The following MYO3A variants were observed in gnomAD, a reference collection of about 807,000 sequenced individuals.
The protein encoded by MYO3A is myosin IIIA.
A neutral mutation model predicts 192.7 loss-of-function variants in MYO3A; 180 were observed. The ratio of observed to expected loss-of-function variants is 0.93; its 90% confidence interval spans 0.83 to 1.06. The LOEUF is 1.06. Among genes scored for constraint, MYO3A ranks in the 50% least tolerant of loss-of-function variants. The pLI is 0.00. For synonymous variants in MYO3A, 628 were observed against 645.3 expected (o/e 0.97, Z 0.41); for missense variants, 1,896 against 1,905.0 (o/e 1.00, Z 0.09).
chr10:25,994,237 T>A (rs1268558798), intron 4 of MYO3A, among the ~76,000 whole-genome samples: 1 of 149,576 alleles, frequency 6.7e-6, no homozygotes, highest in Non-Finnish European at 1.5e-5. Flanking sequence ...TTAGCTCTTC[T>A]TGTTGAATTG....
chr10:26,138,734 T>G (rs543848448), intron 20 of MYO3A, among the ~76,000 whole-genome samples: 2 of 152,274 alleles, frequency 1.3e-5, no homozygotes, highest in African/African-American at 4.8e-5. Context: ...ACAGAAACCA[T>G]AGCTGATGTT....
chr10:26,019,941 C>T (rs79678963), intron 7 of MYO3A, among the ~76,000 whole-genome samples: 10,059 of 152,298 alleles, frequency 0.066, 412 homozygotes, highest in Non-Finnish European at 0.094. Flanking sequence ...CAGCAGTTCA[C>T]TCTCATGTGA....
intron 31 of MYO3A, among the ~76,000 whole-genome samples, chr10:26,185,132 A>G (rs991793337): frequency 1.3e-5 from 2 of 152,060 alleles, no homozygotes; most frequent in African/African-American, 4.8e-5. Flanking sequence ...TAAGTGAGAC[A>G]CCCCTTAAGA....
chr10:26,067,576 C>T (rs1387937076), intron 11 of MYO3A, among the ~76,000 whole-genome samples: 7 of 152,168 alleles, frequency 4.6e-5, no homozygotes, highest in Non-Finnish European at 1.0e-4. Context: ...GGTCAGTGTT[C>T]TTCCTCATGG....
intron 14 of MYO3A, among the ~76,000 whole-genome samples, chr10:26,085,606 T>C (rs1047594349): frequency 6.6e-6 from 1 of 152,168 alleles, no homozygotes; most frequent in South Asian, 2.1e-4. Flanking sequence ...AGGCTCAGGG[T>C]GCAAGGTGCC....
intron 2 of MYO3A, among the ~76,000 whole-genome samples, chr10:25,937,473 A>G (rs890654062): frequency 6.6e-6 from 1 of 152,238 alleles, no homozygotes; most frequent in Admixed American, 6.5e-5. Context: ...ACAGTTCCTC[A>G]TAAAACTCAG....
chr10:26,012,808 A>G (rs576107491), intron 6 of MYO3A, among the ~76,000 whole-genome samples: 1 of 152,072 alleles, frequency 6.6e-6, no homozygotes, highest in African/African-American at 2.4e-5. Flanking sequence ...AAAACAAAAC[A>G]ATACAAAAAA....
At chr10:25,987,369 ATT>A (rs1839717088) in intron 4 of MYO3A, among the ~76,000 whole-genome samples, 2 of 152,246 alleles carry the variant, frequency 1.3e-5, no homozygotes. Context: ...ATGGAACTTA[ATT>A]AAACTAAAAA....
chr10:26,010,457 T>G (rs1042649287), intron 6 of MYO3A, among the ~76,000 whole-genome samples: 107 of 131,812 alleles, frequency 8.1e-4, no homozygotes, highest in Non-Finnish European at 1.3e-3. Context: ...GTTGTTTTTT[T>G]TTTTTTTTTT....
chr10:26,088,594 G>A (rs1836489182), intron 15 of MYO3A, among the ~76,000 whole-genome samples, 189 bp downstream of exon 15: 1 of 152,102 alleles, frequency 6.6e-6, no homozygotes, highest in Admixed American at 6.6e-5. Flanking sequence ...TCCAATAGAG[G>A]AATTAATGTA....
chr10:26,045,067 G>A (rs145133641), intron 10 of MYO3A, among the ~76,000 whole-genome samples: 247 of 152,248 alleles, frequency 1.6e-3, no homozygotes, highest in African/African-American at 5.8e-3. Context: ...GCAATGCTGA[G>A]CCTGGCCAGC....
chr10:26,060,056 C>G (rs1011371432), intron 10 of MYO3A, among the ~76,000 whole-genome samples: 2 of 152,090 alleles, frequency 1.3e-5, no homozygotes, highest in Non-Finnish European at 1.5e-5. Flanking sequence ...TCAGGAGTTC[C>G]AGACCAACCT....
intron 4 of MYO3A, among the ~76,000 whole-genome samples, chr10:25,979,186 C>T (rs1228176436): frequency 6.6e-6 from 1 of 152,174 alleles, no homozygotes; most frequent in African/African-American, 2.4e-5. Flanking sequence ...TACAAGCCAA[C>T]TCAGTGGCTT....
At chr10:26,092,421 G>A (rs985384985) in intron 15 of MYO3A, among the ~76,000 whole-genome samples, 4 of 151,356 alleles carry the variant, frequency 2.6e-5, no homozygotes, top group Non-Finnish European at 4.4e-5. Context: ...AGCCAAGATC[G>A]TGCCACTGCA....
intron 10 of MYO3A, among the ~76,000 whole-genome samples, chr10:26,059,893 G>A (rs1361884735): frequency 1.3e-5 from 2 of 151,966 alleles, no homozygotes; most frequent in East Asian, 1.9e-4. Context: ...AGGCTGAGGC[G>A]GACGGATCAC....
In MYO3A at chr10:26,206,221, C is replaced by T. The variant is rs145247162; in HGVS notation, c.4730+3114C>T. Among the ~76,000 whole-genome samples the T allele has an allele frequency of 5.9e-4, 89 of 151,562 alleles. 1 individual carries two copies. The East Asian group carries it at 0.015, about 26-fold the overall frequency. On this transcript the variant is annotated intron_variant, in intron 34 of 34. Coordinates refer to ENST00000642920, the MANE Select transcript of MYO3A (RefSeq NM_017433.5). ...GATTACAGGTGCATGCCACTCTGCC[C>T]GGCTAATTTTTATATTTTTGGTAGA...
chr10:25,980,011 T>A (rs1304525033), intron 4 of MYO3A, among the ~76,000 whole-genome samples: 3 of 151,054 alleles, frequency 2.0e-5, no homozygotes, highest in Admixed American at 2.0e-4. Context: ...CCAAGGCGGG[T>A]GGATCATGAG....
At chr10:26,168,056 T>C (rs1328686006) in intron 27 of MYO3A, among the ~76,000 whole-genome samples, 1 of 152,240 alleles carries the variant, frequency 6.6e-6, no homozygotes, top group Non-Finnish European at 1.5e-5. Flanking sequence ...CCAATTGATG[T>C]TGATTTTAGA....
intron 2 of MYO3A, among the ~76,000 whole-genome samples, chr10:25,951,037 A>T (rs946811841): frequency 6.6e-6 from 1 of 152,190 alleles, no homozygotes; most frequent in African/African-American, 2.4e-5. Context: ...AATGTCCTTT[A>T]TAAAGTCACT....
Sources: gnomAD v4.1 joint callset for allele counts (sites outside exome capture counted in the v4.1 genomes callset) on GRCh38, gnomAD v4.1.1 for gene constraint, MANE v1.5 for transcripts, NCBI Gene and HGNC (gene_info 2026-07-23, HGNC 2026-07-21) for gene names.